The following DSP variants were observed in gnomAD, a reference collection of about 807,000 sequenced individuals.
DSP encodes 250/210 kDa paraneoplastic pemphigus antigen.
A neutral mutation model predicts 290.6 loss-of-function variants in DSP; 114 were observed. The ratio of observed to expected loss-of-function variants is 0.39; its 90% CI spans 0.34 to 0.46. The LOEUF (loss-of-function observed/expected upper bound fraction) is 0.46, where lower values mean the gene tolerates loss of function less well. Ranked by LOEUF, DSP falls within the 20% of genes least tolerant of loss-of-function variation. DSP has a pLI of 0.99. For missense variants in DSP, 3,230 were observed against 3,495.8 expected, an observed-to-expected ratio of 0.92 and a Z score of 1.92; for synonymous variants, 1,311 against 1,316.4, an observed-to-expected ratio of 1.00 and a Z score of 0.09.
chr6:7,548,823 C>A (rs2299034), intron 1 of DSP, among the ~76,000 whole-genome samples: 32,826 of 152,084 alleles, frequency 0.22, 3,691 homozygotes, highest in East Asian at 0.33. Context: ...TGAGATGAGC[C>A]ATAATACCCT....
Position 7,569,331 on chromosome 6 carries a change from T to C in DSP, c.1565T>C (p.Leu522Pro), listed in dbSNP as rs955640904. The change falls in exon 12 of 24, where the codon CTC (leucine) becomes CCC (proline). Residue 522 changes from leucine (L) to proline (P), a missense_variant. Leu to Pro is a moderately conservative substitution (Grantham distance 98). This residue lies in a region of DSP where 646 missense variants were observed against 684.3 expected (regional missense o/e 0.94). Transcript: ENST00000379802. ...IPPPNPLAVD[L>P]SCKIEQYYEA... Reference sequence around the variant, plus strand: ...CCTCCGAACCCACTGGCCGTGGACCTCTCTTGCAAGTAAGTCATCCAAGTT... The same window carrying C: ...CCTCCGAACCCACTGGCCGTGGACCCCTCTTGCAAGTAAGTCATCCAAGTT... The C allele has an allele frequency of 2.5e-6, 4 of 1,614,100 alleles. No individual in the cohort carries two copies. Among genetic ancestry groups the C allele is most frequent in the Non-Finnish European group, 3.4e-6 (4 of 1,180,036 alleles).
At position 7,585,581 on chromosome 6, in the gene DSP, C is replaced by G. The variant is rs989825163; in HGVS notation, c.8319C>G (p.Ile2773Met). ...RLQDTSSYAK[I>M]LTCPKTKLKI... ...AAGACACCAGCAGCTATGCCAAAAT[C>G]CTGACCTGCCCCAAAACCAAATTAA... Residue 2773 changes from isoleucine (I) to methionine (M), a missense_variant, in exon 24 of 24, where the codon ATC becomes ATG. Physicochemically the swap from Ile to Met is conservative, Grantham distance 10. Around this residue, in one of 5 missense-constraint regions of DSP, gnomAD observed 582 missense variants for 555.4 expected, o/e 1.05. Transcript: ENST00000379802. 1.9e-6 allele frequency: 3 copies of G among 1,614,204 alleles called. No individual in the cohort carries two copies. The highest frequency in any genetic ancestry group is 1.3e-5 in the African/African-American group (1 of 75,046).
At chr6:7,547,188 C>T (rs1019451225) in intron 1 of DSP, among the ~76,000 whole-genome samples, 1 of 152,106 alleles carries the variant, frequency 6.6e-6, no homozygotes, top group Non-Finnish European at 1.5e-5. Context: ...TGAAAACGTT[C>T]AGATGTGGTT....
At chr6:7,567,965 G>A (rs1758915235) in intron 10 of DSP, 59 bp downstream of exon 10, 1 of 1,603,412 alleles carries the variant, frequency 6.2e-7, no homozygotes, top group African/African-American at 1.3e-5. Context: ...TAAAACACAT[G>A]CCTTGGATGC....
chr6:7,576,165 G>A (rs992522362), intron 18 of DSP, 129 bp from the exon 19 acceptor site: 1 of 1,056,112 alleles, frequency 9.5e-7, no homozygotes, highest in Admixed American at 2.3e-5. Flanking sequence ...GAACATTCAT[G>A]TATAAGTTTT....
At position 7,553,936 on chromosome 6, in the gene DSP, A is replaced by G. The variant is rs531296302; in HGVS notation, c.171-1782A>G. Among the ~76,000 whole-genome samples the G allele has an allele frequency of 2.6e-5, 4 of 152,342 alleles. 1 individual carries two copies. The South Asian group carries it at 8.3e-4, about 32-fold the overall frequency. ...AGGGAGGAACCCCAAATGGGTGGCC[A>G]AAAAAGAAATGCTTTCCCATGGTGA... On this transcript the variant is annotated intron_variant, in intron 1 of 23. Transcript: ENST00000379802.
In DSP at chr6:7,580,653, A is replaced by C. The variant is rs1759401851; in HGVS notation, c.4463A>C (p.Gln1488Pro). ...AACAAGGAGATAGAAAGGTTAAAACAACTGATCGACAAAGAAACAAATGAC... is the reference window on the plus strand; with the variant it reads ...AACAAGGAGATAGAAAGGTTAAAACCACTGATCGACAAAGAAACAAATGAC... ...DKNKEIERLKQLIDKETNDRK... is the reference protein window; with the variant it reads ...DKNKEIERLKPLIDKETNDRK... Residue 1488 changes from glutamine to proline, a missense_variant, in exon 23 of 24, where the codon CAA becomes CCA. This residue lies in a region of DSP where 1,714 missense variants were observed against 1,844.5 expected (regional missense o/e 0.93). Coordinates refer to ENST00000379802, the MANE Select transcript of DSP (RefSeq NM_004415.4). The surrounding 1 kb of genome is among the most constrained non-coding windows in gnomAD (Gnocchi z 4.2). 1 of 1,614,014 alleles carries C rather than the reference A, an allele frequency of 6.2e-7. No homozygotes were observed. The highest frequency in any genetic ancestry group is 1.7e-5 in the Admixed American group (1 of 60,008).
rs1363182843 is a variant in DSP at position 7,584,974 on chromosome 6, G to A, written c.7712G>A (p.Ser2571Asn). Reference sequence around the variant, plus strand: ...TTGAAAAATGGTGTCGGCACCAGCAGCAGCATGGGCAGTGGTGTCAGCGAT... The same window carrying A: ...TTGAAAAATGGTGTCGGCACCAGCAACAGCATGGGCAGTGGTGTCAGCGAT... ...ISLKNGVGTS[S>N]SMGSGVSDDV... Residue 2571 changes from serine to asparagine, a missense_variant, in exon 24 of 24, where the codon AGC becomes AAC. Coordinates refer to ENST00000379802, the MANE Select transcript of DSP (RefSeq NM_004415.4). This position sits in a 1 kb window ranked among gnomAD's most constrained non-coding sequence, Gnocchi z 6.4. 9 of 1,614,236 alleles carry A rather than the reference G, an allele frequency of 5.6e-6. No individual in the cohort carries two copies. Among genetic ancestry groups the A allele is most frequent in the East Asian group, 2.2e-5 (1 of 44,888 alleles).
intron 11 of DSP, 117 bp from the exon 12 acceptor site, chr6:7,569,068 GA>G: frequency 7.1e-7 from 1 of 1,407,946 alleles, no homozygotes; most frequent in Non-Finnish European, 9.8e-7. Context: ...CATTTGAGGG[GA>G]AAAACGTAAA....
At chr6:7,548,914 C>A (rs867663117) in intron 1 of DSP, among the ~76,000 whole-genome samples, 15 of 152,114 alleles carry the variant, frequency 9.9e-5, no homozygotes, top group Admixed American at 7.9e-4. Context: ...TTCTGTGTGC[C>A]GAACCTTATT....
chr6:7,577,946 CCT>C (rs1202276446), intron 21 of DSP, 60 bp downstream of exon 21: 4 of 1,349,096 alleles, frequency 3.0e-6, no homozygotes, highest in Non-Finnish European at 4.2e-6. Context: ...TTCCCTTTTC[CCT>C]GTCTCCTGCC....
Position 7,567,977 on chromosome 6 carries a change from G to T in DSP, c.1266+71G>T, listed in dbSNP as rs552382601. 1.7e-4 allele frequency: 266 copies of T among 1,595,316 alleles called. 1 individual carries two copies. The East Asian group carries it at 5.4e-3, about 32-fold the overall frequency. ...AGATAAAACACATGCCTTGGATGCA[G>T]TTGGCTCTGATTAGTATTATTGTAC... On this transcript the variant is annotated intron_variant, in intron 10 of 23. Coordinates refer to ENST00000379802, the MANE Select transcript of DSP (RefSeq NM_004415.4).
At position 7,582,806 on chromosome 6, in the gene DSP, G is replaced by A. The variant is rs727503004; in HGVS notation, c.5544G>A (p.Arg1848=). 12 of 1,613,968 alleles carry A rather than the reference G, an allele frequency of 7.4e-6. No individual in the cohort carries two copies. Among genetic ancestry groups the A allele is most frequent in the African/African-American group, 2.7e-5 (2 of 74,958 alleles). Residue 1848 remains arginine (R), a synonymous_variant, in exon 24 of 24, where the codon AGG becomes AGA. Coordinates refer to ENST00000379802, the MANE Select transcript of DSP (RefSeq NM_004415.4). This position sits in a 1 kb window ranked among gnomAD's most constrained non-coding sequence, Gnocchi z 4.2. ...AATCAACTCTAGAGGCAGAAACCAG[G>A]GTGAAACAGCGCCTGGAGTGTGAGA... ...RAKSTLEAET[R]VKQRLECEKQ...
At position 7,586,027 on chromosome 6, in the gene DSP, A is replaced by C. The variant is rs1401080081; in HGVS notation, c.*149A>C. 2 of 829,460 alleles carry C rather than the reference A, an allele frequency of 2.4e-6. No homozygotes were observed. The highest frequency in any genetic ancestry group is 3.4e-5 in the African/African-American group (2 of 58,826). The allele number at this position is 829,460 out of a possible 1,614,324, so 51.4% of individuals were successfully genotyped here. A position where few individuals can be genotyped will look rare whatever the true frequency, so the allele number is the denominator to read the frequency against. On this transcript the variant is annotated 3_prime_UTR_variant, in exon 24 of 24. Transcript: ENST00000379802. ...AATATAGCCATGATTGAAATCAAAT[A>C]GTAAAGGCTGTTCTGGCTTTTTATC...
At position 7,582,210 on chromosome 6, in the gene DSP, ATATT is replaced by A. The variant is rs1759461533; in HGVS notation, c.5380-428_5380-425del. 7.1e-6 allele frequency among the ~76,000 whole-genome samples: 1 copy of A among 141,792 alleles called. No homozygotes were observed. Among genetic ancestry groups the A allele is most frequent in the African/African-American group, 2.6e-5 (1 of 37,908 alleles). 93.0% of individuals were successfully genotyped at this position (141,792 alleles called of 152,430 possible). On this transcript the variant is annotated intron_variant, in intron 23 of 23. Transcript: ENST00000379802. The surrounding 1 kb of genome is among the most constrained non-coding windows in gnomAD (Gnocchi z 4.2). Reference sequence around the variant, plus strand: ...ATATAATTATATAATTACATAATATATATTTATCTATAATATATATTTTATATAA... The same window carrying A: ...ATATAATTATATAATTACATAATATATATCTATAATATATATTTTATATAA...
At chr6:7,557,347 G>A (rs1014622184) in intron 2 of DSP, among the ~76,000 whole-genome samples, 3 of 152,150 alleles carry the variant, frequency 2.0e-5, no homozygotes, top group African/African-American at 7.2e-5. Context: ...ACATTGATTG[G>A]CCCAATACAG....
rs1045495434 is a variant in DSP at position 7,582,398 on chromosome 6, G to A, written c.5380-244G>A. Among the ~76,000 whole-genome samples, 4 of 151,582 alleles carry A rather than the reference G, an allele frequency of 2.6e-5. No homozygotes were observed. The highest frequency in any genetic ancestry group is 5.9e-5 in the Non-Finnish European group (4 of 67,948). Reference sequence around the variant, plus strand: ...GAGTAAGACAGGTCTGCAACTTACAGTTCCTTCTATAGAAAAAAATAGTAA... The same window carrying A: ...GAGTAAGACAGGTCTGCAACTTACAATTCCTTCTATAGAAAAAAATAGTAA... On this transcript the variant is annotated intron_variant, in intron 23 of 23. Coordinates refer to ENST00000379802, the MANE Select transcript of DSP (RefSeq NM_004415.4). The surrounding 1 kb of genome is among the most constrained non-coding windows in gnomAD (Gnocchi z 4.2).
In DSP at chr6:7,567,879, C is replaced by T; in HGVS notation, c.1239C>T (p.His413=). 6.2e-7 allele frequency: 1 copy of T among 1,614,012 alleles called. No homozygotes were observed. The highest frequency in any genetic ancestry group is 8.5e-7 in the Non-Finnish European group (1 of 1,179,962). The change falls in exon 10 of 24, where the codon CAC becomes CAT. Residue 413 remains histidine, a synonymous_variant. Transcript: ENST00000379802. Reference sequence around the variant, plus strand: ...GCGACAAGAACATGCCCCTGCAGCACCTGCTGGAACAGATCAAGGAGCTGG... The same window carrying T: ...GCGACAAGAACATGCCCCTGCAGCATCTGCTGGAACAGATCAAGGAGCTGG... The part of the protein sequence containing the change: ...YPCDKNMPLQ[H]LLEQIKELEK...
rs2113693777 is a variant in DSP at position 7,580,485 on chromosome 6, A to C, written c.4295A>C (p.Gln1432Pro). The change falls in exon 23 of 24, where the codon CAG (glutamine) becomes CCG (proline). Residue 1432 changes from glutamine to proline, a missense_variant. Transcript: ENST00000379802. This position sits in a 1 kb window ranked among gnomAD's most constrained non-coding sequence, Gnocchi z 4.2. Reference protein sequence around the residue: ...NLRRVEEDIQQQKATGSEVSQ... With the variant: ...NLRRVEEDIQPQKATGSEVSQ... ...AGGAGGGTGGAAGAAGACATCCAAC[A>C]GCAAAAGGCCACTGGCTCTGAGGTG... 6.2e-7 allele frequency: 1 copy of C among 1,614,162 alleles called. No individual in the cohort carries two copies. Among genetic ancestry groups the C allele is most frequent in the Non-Finnish European group, 8.5e-7 (1 of 1,180,042 alleles).
Sources: gnomAD v4.1 joint callset for allele counts (sites outside exome capture counted in the v4.1 genomes callset) on GRCh38, gnomAD v4.1.1 for gene constraint, gnomAD v4.1.1 regional missense constraint, Gnocchi (gnomAD v3.1) non-coding constraint, MANE v1.5 for transcripts, NCBI Gene and HGNC (gene_info 2026-07-23, HGNC 2026-07-21) for gene names.